Variants in FHOD3 observed in about 807,000 individuals in gnomAD.
FHOD3 encodes the protein FH1/FH2 domain-containing protein 3.
In FHOD3, 90 loss-of-function variants were observed where a neutral mutation model predicts 173.0. The ratio of observed to expected loss-of-function variants is 0.52; its 90% CI spans 0.44 to 0.62. The LOEUF (loss-of-function observed/expected upper bound fraction) is 0.62. Ranked by LOEUF, FHOD3 falls within the 20% of genes least tolerant of loss-of-function variation. The pLI is 0.00. For missense variants in FHOD3, 1,945 were observed against 2,034.7 expected (o/e 0.96, Z 0.85); for synonymous variants, 828 against 823.0 (o/e 1.01, Z -0.10).
intron 10 of FHOD3, among the ~76,000 whole-genome samples, chr18:36,642,687 C>A (rs183339217): frequency 2.5e-4 from 37 of 150,746 alleles, no homozygotes; most frequent in Middle Eastern, 3.5e-3. Context: ...CTGGTCTTTG[C>A]ATGATTATCT....
At chr18:36,538,409 G>A (rs531134580) in intron 5 of FHOD3, among the ~76,000 whole-genome samples, 88 of 152,308 alleles carry the variant, frequency 5.8e-4, no homozygotes, top group African/African-American at 1.9e-3. Context: ...TTAATAAAAT[G>A]GATAGACCTG....
intron 3 of FHOD3, among the ~76,000 whole-genome samples, chr18:36,501,608 A>G (rs1403135228): frequency 6.6e-6 from 1 of 152,168 alleles, no homozygotes; most frequent in African/African-American, 2.4e-5. Context: ...GGAGAGAGGA[A>G]GGGTGGGAGA....
chr18:36,555,987 T>C (rs928214019), intron 5 of FHOD3, among the ~76,000 whole-genome samples: 5 of 152,192 alleles, frequency 3.3e-5, no homozygotes, highest in African/African-American at 4.8e-5. Flanking sequence ...TGCTTTTTTA[T>C]CCAATCTAAT....
At chr18:36,528,252 A>G (rs191502639) in intron 5 of FHOD3, among the ~76,000 whole-genome samples, 1 of 152,164 alleles carries the variant, frequency 6.6e-6, no homozygotes, top group African/African-American at 2.4e-5. Flanking sequence ...ACAAGATAAG[A>G]TCTTGAGCAT....
chr18:36,369,770 T>C (rs1478578805), intron 2 of FHOD3, among the ~76,000 whole-genome samples: 2 of 152,182 alleles, frequency 1.3e-5, no homozygotes, highest in Admixed American at 1.3e-4. Flanking sequence ...GTGTGTCTTT[T>C]TGGTTAGGTT....
chr18:36,737,923 A>G (rs552415343), intron 20 of FHOD3, among the ~76,000 whole-genome samples: 2 of 152,322 alleles, frequency 1.3e-5, no homozygotes, highest in South Asian at 2.1e-4. Flanking sequence ...AATTCATGCA[A>G]TGACCACTGC....
At chr18:36,342,485 C>T (rs771096959) in intron 1 of FHOD3, among the ~76,000 whole-genome samples, 2 of 152,068 alleles carry the variant, frequency 1.3e-5, no homozygotes, top group Non-Finnish European at 2.9e-5. Context: ...AGATTATCTT[C>T]AGAAGAGATA....
chr18:36,482,856 CACAG>C (rs1274432792), intron 3 of FHOD3, among the ~76,000 whole-genome samples: 33 of 64,134 alleles, frequency 5.1e-4, no homozygotes, highest in African/African-American at 1.6e-3. Context: ...CTCACACACA[CACAG>C]AGAGAGAGAG....
intron 6 of FHOD3, among the ~76,000 whole-genome samples, chr18:36,578,185 G>C (rs940019834): frequency 5.3e-5 from 8 of 152,166 alleles, no homozygotes; most frequent in African/African-American, 1.9e-4. Context: ...ACCTGAGACT[G>C]GGTAATTTAT....
chr18:36,443,949 A>G (rs148706155), intron 3 of FHOD3, among the ~76,000 whole-genome samples: 458 of 152,184 alleles, frequency 3.0e-3, no homozygotes, highest in Non-Finnish European at 5.7e-3. Context: ...TTGTTAACCT[A>G]TGTGTCTGTA....
chr18:36,557,435 C>G (rs970018467), intron 5 of FHOD3, among the ~76,000 whole-genome samples: 3 of 152,118 alleles, frequency 2.0e-5, no homozygotes, highest in African/African-American at 7.2e-5. Context: ...TTCCATTAAT[C>G]GCATCCAGTG....
chr18:36,514,026 T>TTTTTTTTTTTTTTTTTA (rs1568369793), intron 5 of FHOD3, among the ~76,000 whole-genome samples: 1 of 144,092 alleles, frequency 6.9e-6, no homozygotes. Context: ...TTTTTTTTTT[T>TTTTTTTTTTTTTTTTTA]GAGATGGAGT....
intron 8 of FHOD3, among the ~76,000 whole-genome samples, chr18:36,608,277 C>G (rs111798878): frequency 4.6e-5 from 7 of 152,318 alleles, no homozygotes; most frequent in African/African-American, 1.4e-4. Context: ...TGGCATCTGG[C>G]CAGGCCCTTC....
intron 5 of FHOD3, among the ~76,000 whole-genome samples, chr18:36,575,061 C>T (rs145221386): frequency 0.018 from 2,808 of 152,074 alleles, 39 homozygotes; most frequent in Non-Finnish European, 0.03. Context: ...ACCTCCGCCT[C>T]CTGGGTTCAA....
intron 5 of FHOD3, among the ~76,000 whole-genome samples, chr18:36,556,099 TACTTTGTTAC>T (rs1411719743): frequency 6.6e-6 from 1 of 152,196 alleles, no homozygotes; most frequent in Non-Finnish European, 1.5e-5. Flanking sequence ...GTCTCATCTG[TACTTTGTTAC>T]ATTTTCCTCT....
chr18:36,441,187 G>A (rs1292955192), intron 3 of FHOD3, among the ~76,000 whole-genome samples: 1 of 151,990 alleles, frequency 6.6e-6, no homozygotes, highest in African/African-American at 2.4e-5. Context: ...AATGGGTGAG[G>A]TGAGCAGGTA....
chr18:36,452,500 G>A (rs746389874), intron 3 of FHOD3, among the ~76,000 whole-genome samples: 10 of 152,316 alleles, frequency 6.6e-5, no homozygotes, highest in Non-Finnish European at 1.3e-4. Flanking sequence ...TCTGTGTACA[G>A]TACAGTGGTG....
At chr18:36,710,926 T>G (rs1202684896) in intron 18 of FHOD3, 4 of 152,188 alleles carry the variant, frequency 2.6e-5, no homozygotes, top group African/African-American at 9.6e-5. Context: ...TTAGCAGGCC[T>G]AAAACATATC....
intron 3 of FHOD3, among the ~76,000 whole-genome samples, chr18:36,407,449 A>G (rs184161258): frequency 2.2e-3 from 336 of 152,192 alleles, no homozygotes; most frequent in Non-Finnish European, 4.2e-3. Context: ...TCTGCCAGGG[A>G]CTCTGCACCT....
Sources: allele counts gnomAD v4.1 joint callset (sites outside exome capture counted in the v4.1 genomes callset), GRCh38; gene constraint gnomAD v4.1.1; transcripts MANE v1.5; gene names NCBI Gene and HGNC (gene_info 2026-07-23, HGNC 2026-07-21).